The following KCNB2 variants were observed in gnomAD, a reference collection of about 807,000 sequenced individuals.
The protein encoded by KCNB2 is delayed rectifier potassium channel protein.
In KCNB2, 15 loss-of-function variants were observed where a neutral mutation model predicts 61.5. The observed-to-expected ratio is 0.24, with a 90% confidence interval of 0.16 to 0.38. The LOEUF is 0.38. Ranked by LOEUF, KCNB2 falls within the 10% of genes least tolerant of loss-of-function variation. The pLI, the probability that KCNB2 is intolerant of heterozygous loss-of-function variation, is 1.00. For synonymous variants in KCNB2, 457 were observed against 446.0 expected (o/e 1.02, Z -0.31); for missense variants, 828 against 1,125.2 (o/e 0.74, Z 3.78).
chr8:72,678,627 C>G (rs1013466659), intron 2 of KCNB2, among the ~76,000 whole-genome samples: 48 of 152,324 alleles, frequency 3.2e-4, no homozygotes, highest in African/African-American at 1.2e-3. Flanking sequence ...TTGATAAAAC[C>G]CTTGCCTAGT....
In KCNB2 at chr8:72,897,074, A is replaced by C. The variant is rs1806001217; in HGVS notation, c.580-38861A>C. On this transcript the variant is annotated intron_variant, in intron 2 of 2. Coordinates refer to ENST00000523207, the MANE Select transcript of KCNB2 (RefSeq NM_004770.3). ...TAGATTCTAGACAATTCCAGATGGAACTTTTTTTATTCCATCATTACAATG... is the reference window on the plus strand; with the variant it reads ...TAGATTCTAGACAATTCCAGATGGACCTTTTTTTATTCCATCATTACAATG... Among the ~76,000 whole-genome samples the C allele has an allele frequency of 3.9e-5, 6 of 152,046 alleles. No homozygotes were observed. In the South Asian group the frequency reaches 1.2e-3, roughly 32 times the overall value.
chr8:72,604,266 A>G (rs1193073477), intron 2 of KCNB2, among the ~76,000 whole-genome samples: 2 of 152,194 alleles, frequency 1.3e-5, no homozygotes, highest in South Asian at 2.1e-4. Flanking sequence ...TACACAATGA[A>G]TGCTCCATCT....
At chr8:72,728,478 A>G (rs970951221) in intron 2 of KCNB2, among the ~76,000 whole-genome samples, 1 of 152,222 alleles carries the variant, frequency 6.6e-6, no homozygotes, top group African/African-American at 2.4e-5. Flanking sequence ...AACAAAGACT[A>G]GATCAGACAA....
In KCNB2 at chr8:72,563,286, T is replaced by A. The variant is rs372431036; in HGVS notation, c.-93-4356T>A. Reference sequence around the variant, plus strand: ...TAAGTGTCATAGGAAATAAAAGAATTTTAGGCATGGACATGCTACCACTTA... The same window carrying A: ...TAAGTGTCATAGGAAATAAAAGAATATTAGGCATGGACATGCTACCACTTA... On this transcript the variant is annotated intron_variant, in intron 1 of 2. Transcript: ENST00000523207. Among the ~76,000 whole-genome samples the A allele has an allele frequency of 2.4e-4, 36 of 152,140 alleles. 5 individuals are homozygous for A. The highest frequency in any genetic ancestry group is 1.9e-3 in the Admixed American group (29 of 15,282).
intron 2 of KCNB2, among the ~76,000 whole-genome samples, chr8:72,920,068 A>T (rs912980766): frequency 6.6e-6 from 1 of 152,140 alleles, no homozygotes; most frequent in Non-Finnish European, 1.5e-5. Context: ...AGCTAATATT[A>T]TAGTTTAAAA....
chr8:72,725,617 A>ATG (rs1807637454), intron 2 of KCNB2, among the ~76,000 whole-genome samples: 1 of 141,336 alleles, frequency 7.1e-6, no homozygotes, highest in Non-Finnish European at 1.5e-5. Context: ...ATATATATAT[A>ATG]TATATGCATT....
chr8:72,602,571 A>G (rs1805371218), intron 2 of KCNB2, among the ~76,000 whole-genome samples: 1 of 152,182 alleles, frequency 6.6e-6, no homozygotes, highest in Non-Finnish European at 1.5e-5. Flanking sequence ...GATAGGCACT[A>G]TCTTTTGCAT....
intron 2 of KCNB2, among the ~76,000 whole-genome samples, chr8:72,776,077 A>C (rs941784094): frequency 1.3e-5 from 2 of 152,206 alleles, no homozygotes; most frequent in Non-Finnish European, 2.9e-5. Flanking sequence ...AGCCATAAAA[A>C]AGGATGAGTT....
intron 2 of KCNB2, among the ~76,000 whole-genome samples, chr8:72,739,557 T>G (rs770818154): frequency 5.9e-5 from 9 of 151,760 alleles, no homozygotes; most frequent in Non-Finnish European, 1.3e-4. Flanking sequence ...CGAGTGGAAG[T>G]GCATTTCAAG....
At chr8:72,854,775 T>C (rs1311456361) in intron 2 of KCNB2, among the ~76,000 whole-genome samples, 3 of 151,462 alleles carry the variant, frequency 2.0e-5, no homozygotes, top group Non-Finnish European at 2.9e-5. Flanking sequence ...CAAGCAGAAA[T>C]AGTAGCATGT....
intron 2 of KCNB2, among the ~76,000 whole-genome samples, chr8:72,682,733 A>G (rs1709006109): frequency 6.6e-6 from 1 of 152,112 alleles, no homozygotes; most frequent in South Asian, 2.1e-4. Context: ...AGTTGAGACT[A>G]CAGGTGTATA....
intron 2 of KCNB2, among the ~76,000 whole-genome samples, chr8:72,929,825 G>A (rs1253370299): frequency 6.6e-6 from 1 of 151,822 alleles, no homozygotes; most frequent in Non-Finnish European, 1.5e-5. Flanking sequence ...TATACTTTAA[G>A]TTCTAGGGTA....
chr8:72,744,054 A>T (rs1808014831), intron 2 of KCNB2, among the ~76,000 whole-genome samples: 1 of 152,096 alleles, frequency 6.6e-6, no homozygotes, highest in South Asian at 2.1e-4. Flanking sequence ...ATTAACTTTT[A>T]AAAATAATAT....
chr8:72,664,709 A>C (rs956535419), intron 2 of KCNB2, among the ~76,000 whole-genome samples: 1 of 152,226 alleles, frequency 6.6e-6, no homozygotes, highest in African/African-American at 2.4e-5. Flanking sequence ...AGCAGTAAGC[A>C]AAACAAAAAT....
At chr8:72,601,236 C>A (rs1471873843) in intron 2 of KCNB2, among the ~76,000 whole-genome samples, 1 of 152,076 alleles carries the variant, frequency 6.6e-6, no homozygotes, top group African/African-American at 2.4e-5. Context: ...TTTATAACAT[C>A]GGCCTTATAT....
At chr8:72,887,843 G>T (rs1033982359) in intron 2 of KCNB2, among the ~76,000 whole-genome samples, 8 of 152,140 alleles carry the variant, frequency 5.3e-5, no homozygotes, top group Non-Finnish European at 7.4e-5. Flanking sequence ...CTTTCTCTCT[G>T]CCCAGAAAGG....
chr8:72,580,796 T>C (rs567640636), intron 2 of KCNB2, among the ~76,000 whole-genome samples: 1 of 152,298 alleles, frequency 6.6e-6, no homozygotes, highest in South Asian at 2.1e-4. Flanking sequence ...GCTTGGACTA[T>C]TGTTGTAAGT....
chr8:72,606,073 G>T (rs1805442587), intron 2 of KCNB2, among the ~76,000 whole-genome samples: 1 of 152,134 alleles, frequency 6.6e-6, no homozygotes, highest in Admixed American at 6.5e-5. Context: ...TGAGTATACA[G>T]AATATATTAT....
intron 2 of KCNB2, among the ~76,000 whole-genome samples, chr8:72,669,228 C>T (rs1159714254): frequency 2.0e-5 from 3 of 152,160 alleles, no homozygotes; most frequent in African/African-American, 7.2e-5. Context: ...CCATTATGAT[C>T]CTTTGATCAT....
Sources: gnomAD v4.1 joint callset for allele counts (sites outside exome capture counted in the v4.1 genomes callset) on GRCh38, gnomAD v4.1.1 for gene constraint, MANE v1.5 for transcripts, NCBI Gene and HGNC (gene_info 2026-07-23, HGNC 2026-07-21) for gene names.